The following PRDM15 variants were observed in gnomAD, a reference collection of about 807,000 sequenced individuals.
PRDM15 encodes PR domain zinc finger protein 15.
PRDM15 carries 64 observed loss-of-function variants against 128.6 expected under a neutral mutation model. The ratio of observed to expected loss-of-function variants is 0.50; its 90% CI spans 0.41 to 0.61. The LOEUF is 0.61. PRDM15 is among the 20% of genes least tolerant of loss of function. PRDM15 has a pLI of 0.00. For synonymous variants in PRDM15, 615 were observed against 621.8 expected, an observed-to-expected ratio of 0.99 and a Z score of 0.16; for missense variants, 1,242 against 1,569.1, an observed-to-expected ratio of 0.79 and a Z score of 3.52.
Position 41,804,570 on chromosome 21 carries a change from G to A in PRDM15, c.2697C>T (p.Thr899=). 6.4e-7 allele frequency: 1 copy of A among 1,572,096 alleles called. No homozygotes were observed. The highest frequency in any genetic ancestry group is 8.6e-7 in the Non-Finnish European group (1 of 1,158,520). The part of the protein sequence containing the change: ...RIDDLDHLPE[T]TTIDASSIGI... ...CAATGGAGGAGGCGTCGATGGTGGT[G>A]GTCTCCGGGAGGTGGTCCAGGTCAT... Residue 899 remains threonine, a synonymous_variant, in exon 22 of 24, where the codon ACC becomes ACT. Coordinates refer to ENST00000398548, the MANE Select transcript of PRDM15 (RefSeq NM_001040424.3).
intron 23 of PRDM15, 35 bp downstream of exon 23, chr21:41,802,677 C>G: frequency 6.3e-7 from 1 of 1,576,020 alleles, no homozygotes; most frequent in Non-Finnish European, 8.7e-7. Flanking sequence ...GGAAAGTGAC[C>G]GGCACCTAAT....
At position 41,810,339 on chromosome 21, in the gene PRDM15, C is replaced by T. The variant is rs1301075772; in HGVS notation, c.2477-10G>A. The T allele has an allele frequency of 1.2e-6, 2 of 1,606,056 alleles. No homozygotes were observed. Among genetic ancestry groups the T allele is most frequent in the Non-Finnish European group, 1.7e-6 (2 of 1,175,408 alleles). ...GTCCACTGCTTGCCCACTTTTCACA[C>T]ACACGCAGACACACATGCGCGTGGA... On this transcript the variant is annotated splice_polypyrimidine_tract_variant and intron_variant, in intron 20 of 23. Coordinates refer to ENST00000398548, the MANE Select transcript of PRDM15 (RefSeq NM_001040424.3). The surrounding 1 kb of genome is among the most constrained non-coding windows in gnomAD (Gnocchi z 6.4).
chr21:41,850,823 C>T (rs1468729041), intron 5 of PRDM15, among the ~76,000 whole-genome samples: 1 of 152,206 alleles, frequency 6.6e-6, no homozygotes, highest in Non-Finnish European at 1.5e-5. Flanking sequence ...GGATGTGTTA[C>T]TGCTCCTTCA....
chr21:41,832,547 T>A lies in PRDM15; in HGVS notation c.1366+2890A>T, dbSNP rs145731346. Among the ~76,000 whole-genome samples, 329 of 152,256 alleles carry A rather than the reference T, an allele frequency of 2.2e-3. 1 individual carries two copies. Among genetic ancestry groups the A allele is most frequent in the African/African-American group, 7.7e-3 (320 of 41,546 alleles). ...ACCTTTACAGTGCTGTGGCATTGGA[T>A]TGCCACACTCCCCTCAACCTGGGCC... is the stretch of plus-strand genomic sequence containing the variant. On this transcript the variant is annotated intron_variant, in intron 11 of 23. Coordinates refer to ENST00000398548, the MANE Select transcript of PRDM15 (RefSeq NM_001040424.3). The surrounding 1 kb of genome is among the most constrained non-coding windows in gnomAD (Gnocchi z 4.2).
chr21:41,846,229 A>AT (rs2063260892), intron 6 of PRDM15, among the ~76,000 whole-genome samples: 1 of 152,186 alleles, frequency 6.6e-6, no homozygotes, highest in South Asian at 2.1e-4. Context: ...TTTCTACGTG[A>AT]TTCCCCCATG....
Position 41,810,687 on chromosome 21 carries a change from G to T in PRDM15, c.2476+66C>A, listed in dbSNP as rs73373495. 11 of 1,230,460 alleles carry T rather than the reference G, an allele frequency of 8.9e-6. No homozygotes were observed. The highest frequency in any genetic ancestry group is 6.0e-5 in the South Asian group (5 of 83,474). 76.2% of individuals were successfully genotyped at this position (1,230,460 alleles called of 1,614,324 possible). A position where few individuals can be genotyped will look rare whatever the true frequency, so the allele number is the denominator to read the frequency against. On this transcript the variant is annotated intron_variant, in intron 20 of 23. Coordinates refer to ENST00000398548, the MANE Select transcript of PRDM15 (RefSeq NM_001040424.3). This position sits in a 1 kb window ranked among gnomAD's most constrained non-coding sequence, Gnocchi z 6.4. ...AGAATAGTCGTTTCCACCCCAGCAG[G>T]CACTCAGACAGCCCCGGCAGCCTGC...
Position 41,798,569 on chromosome 21 carries a change from G to A in PRDM15, c.*2671C>T, listed in dbSNP as rs1234875281. 1 of 152,214 alleles carries A rather than the reference G, an allele frequency of 6.6e-6. No individual in the cohort carries two copies. Among genetic ancestry groups the A allele is most frequent in the Non-Finnish European group, 1.5e-5 (1 of 68,102 alleles). The allele number at this position is 152,214 out of a possible 1,614,324, so 9.4% of individuals were successfully genotyped here. A position where few individuals can be genotyped will look rare whatever the true frequency, so the allele number is the denominator to read the frequency against. On this transcript the variant is annotated 3_prime_UTR_variant, in exon 24 of 24. Coordinates refer to ENST00000398548, the MANE Select transcript of PRDM15 (RefSeq NM_001040424.3). ...CTCAACCCACAGACCAGGATTCACG[G>A]GGAGCAGCTGTACCTGTGGCCTCCC... is the stretch of plus-strand genomic sequence containing the variant.
chr21:41,853,249 A>C (rs1484376984), intron 5 of PRDM15, among the ~76,000 whole-genome samples: 1 of 152,236 alleles, frequency 6.6e-6, no homozygotes, highest in East Asian at 1.9e-4. Context: ...CATTTTACAA[A>C]GCCTCAATCA....
chr21:41,802,898 C>T lies in PRDM15; in HGVS notation c.2757G>A (p.Glu919=). Reference sequence around the variant, plus strand: ...TCCCGTGCTTCCCTTCGGCCAAATCCTCCTGCTCCAGAGTCAGCTCAGGCT... The same window carrying T: ...TCCCGTGCTTCCCTTCGGCCAAATCTTCCTGCTCCAGAGTCAGCTCAGGCT... The part of the protein sequence containing the change: ...IVQPELTLEQ[E]DLAEGKHGKA... Residue 919 remains glutamate, a synonymous_variant, in exon 23 of 24, where the codon GAG becomes GAA. Transcript: ENST00000398548. The T allele has an allele frequency of 1.9e-6, 3 of 1,614,058 alleles. No homozygotes were observed. Among genetic ancestry groups the T allele is most frequent in the Non-Finnish European group, 2.5e-6 (3 of 1,180,036 alleles).
chr21:41,827,123 G>A (rs1178724827), intron 12 of PRDM15, among the ~76,000 whole-genome samples: 1 of 152,168 alleles, frequency 6.6e-6, no homozygotes, highest in Non-Finnish European at 1.5e-5. Flanking sequence ...GCTTGCTAAG[G>A]CTACCCAGTC....
At chr21:41,861,244 G>A (rs1028151180) in intron 1 of PRDM15, among the ~76,000 whole-genome samples, 6 of 152,198 alleles carry the variant, frequency 3.9e-5, no homozygotes, top group Admixed American at 2.0e-4. Context: ...AATGCGTGAC[G>A]TTGTGGAGGA....
Position 41,854,474 on chromosome 21 carries a change from A to C in PRDM15, c.538+92T>G. On this transcript the variant is annotated intron_variant, in intron 5 of 23. Transcript: ENST00000398548. This position sits in a 1 kb window ranked among gnomAD's most constrained non-coding sequence, Gnocchi z 4.6. The stretch of plus-strand genomic sequence containing the variant: ...CAGCTGGCCCAGCCCAACCCATCTC[A>C]TCAGTGTGGGGTCAGCACAGAGCCA... 6.7e-7 allele frequency: 1 copy of C among 1,498,490 alleles called. No individual in the cohort carries two copies. Among genetic ancestry groups the C allele is most frequent in the Non-Finnish European group, 9.0e-7 (1 of 1,111,212 alleles). The allele number at this position is 1,498,490 out of a possible 1,614,324, so 92.8% of individuals were successfully genotyped here.
chr21:41,847,291 T>C, intron 5 of PRDM15, 100 bp from the exon 6 acceptor site: 2 of 732,060 alleles, frequency 2.7e-6, no homozygotes, highest in Admixed American at 5.6e-5. Context: ...TGAGAGGCGG[T>C]GATGACAGTG....
At chr21:41,831,216 C>T (rs976659026) in intron 11 of PRDM15, among the ~76,000 whole-genome samples, 2 of 152,274 alleles carry the variant, frequency 1.3e-5, no homozygotes, top group African/African-American at 4.8e-5. Flanking sequence ...GCCTGTCCCT[C>T]TCTGCTGCCC....
intron 1 of PRDM15, chr21:41,861,601 T>C: frequency 1.2e-6 from 2 of 1,601,024 alleles, no homozygotes; most frequent in Non-Finnish European, 1.7e-6. Context: ...CTGATGCCCG[T>C]TGCTGAGTGG....
intron 9 of PRDM15, 116 bp from the exon 10 acceptor site, chr21:41,836,323 C>A: frequency 7.7e-7 from 1 of 1,298,588 alleles, no homozygotes; most frequent in Non-Finnish European, 1.1e-6. Context: ...GAAGGAGCTG[C>A]AGAGATGATC....
intron 1 of PRDM15, among the ~76,000 whole-genome samples, chr21:41,873,039 C>G (rs1601496730): frequency 6.6e-6 from 1 of 152,146 alleles, no homozygotes; most frequent in East Asian, 1.9e-4. Flanking sequence ...CAGTTTTTCA[C>G]CGGGTCAGAC....
At chr21:41,863,997 C>T (rs1170847182) in intron 1 of PRDM15, among the ~76,000 whole-genome samples, 1 of 152,094 alleles carries the variant, frequency 6.6e-6, no homozygotes, top group East Asian at 1.9e-4. Context: ...GCACGTGCCA[C>T]CACACCCAGC....
In PRDM15 at chr21:41,828,191, C is replaced by A; in HGVS notation, c.1509G>T (p.Leu503=). 6.2e-7 allele frequency: 1 copy of A among 1,613,996 alleles called. No individual in the cohort carries two copies. ...CTTCCAGGTGCCGGCGCTGGTGGTC[C>A]AGCATGACGTCCTTGCGGTAGAACA... The part of the protein sequence containing the change: ...SKMFYRKDVM[L]DHQRRHLEGV... Residue 503 remains leucine, a synonymous_variant, in exon 12 of 24, where the codon CTG becomes CTT. Coordinates refer to ENST00000398548, the MANE Select transcript of PRDM15 (RefSeq NM_001040424.3). The surrounding 1 kb of genome is among the most constrained non-coding windows in gnomAD (Gnocchi z 5.7).
Sources: gnomAD v4.1 joint callset for allele counts (sites outside exome capture counted in the v4.1 genomes callset) on GRCh38, gnomAD v4.1.1 for gene constraint, Gnocchi (gnomAD v3.1) non-coding constraint, MANE v1.5 for transcripts, NCBI Gene and HGNC (gene_info 2026-07-23, HGNC 2026-07-21) for gene names.